WWOX: variants seen among roughly 807,000 people sequenced by gnomAD.
WWOX encodes WW domain-containing oxidoreductase.
WWOX carries 69 observed loss-of-function variants against 46.2 expected under a neutral mutation model. That is an observed-to-expected ratio of 1.49 (90% CI 1.23 to 1.82). The LOEUF is 1.82. WWOX is among the 40% of genes most tolerant of loss of function. WWOX has a pLI of 0.00. For missense variants in WWOX, 919 were observed against 542.6 expected, an observed-to-expected ratio of 1.69 and a Z score of -6.89; for synonymous variants, 359 against 202.6, an observed-to-expected ratio of 1.77 and a Z score of -6.56.
intron 8 of WWOX, chr16:79,106,548 C>G (rs1195466663): frequency 2.1e-5 from 3 of 143,536 alleles, no homozygotes; most frequent in Non-Finnish European, 4.5e-5. Context: ...TTTTCAAGAA[C>G]TTCATGACCC....
intron 8 of WWOX, among the ~76,000 whole-genome samples, chr16:79,054,718 C>T (rs1159524837): frequency 6.6e-6 from 1 of 152,032 alleles, no homozygotes; most frequent in South Asian, 2.1e-4. Flanking sequence ...CCTAGCTACT[C>T]AGGAAGGTGA....
At chr16:78,730,617 ATTT>A (rs536906826) in intron 8 of WWOX, among the ~76,000 whole-genome samples, 2,191 of 123,030 alleles carry the variant, frequency 0.018, 61 homozygotes, top group African/African-American at 0.06. Flanking sequence ...ACGCCCGGCA[ATTT>A]TTTTTTTTTT....
intron 8 of WWOX, among the ~76,000 whole-genome samples, chr16:79,068,658 A>G: frequency 6.6e-6 from 1 of 151,746 alleles, no homozygotes; most frequent in Admixed American, 6.6e-5. Flanking sequence ...AACAAAAAAA[A>G]AAATTAGCCA....
intron 8 of WWOX, among the ~76,000 whole-genome samples, chr16:78,620,935 T>C (rs1229483356): frequency 6.6e-6 from 1 of 152,218 alleles, no homozygotes; most frequent in Non-Finnish European, 1.5e-5. Flanking sequence ...ACCCAGATTG[T>C]GTTTCTGGAG....
chr16:78,100,075 C>T (rs536057078), intron 1 of WWOX, 190 bp downstream of exon 1: 2 of 1,390,300 alleles, frequency 1.4e-6, no homozygotes. Flanking sequence ...GGCCTCGGGT[C>T]CAGCGGGGGT....
intron 8 of WWOX, among the ~76,000 whole-genome samples, chr16:78,592,409 AC>A (rs1182382210): frequency 2.6e-5 from 4 of 152,202 alleles, no homozygotes; most frequent in African/African-American, 9.7e-5. Context: ...TTAAATTACA[AC>A]CATAAGAACA....
In WWOX at chr16:78,118,577, T is replaced by C. The variant is rs553846362; in HGVS notation, c.409+3423T>C. On this transcript the variant is annotated intron_variant, in intron 4 of 8. Coordinates refer to ENST00000566780, the MANE Select transcript of WWOX (RefSeq NM_016373.4). The stretch of plus-strand genomic sequence containing the variant: ...ATAATGTTGAACTACTGTTTGTGTA[T>C]ATTCAGTTATCCCAAAATAATATGG... 4.6e-4 allele frequency among the ~76,000 whole-genome samples: 70 copies of C among 152,320 alleles called. 1 individual carries two copies. Among genetic ancestry groups the C allele is most frequent in the African/African-American group, 1.6e-3 (68 of 41,568 alleles).
chr16:78,862,522 A>G (rs1167032663), intron 8 of WWOX, among the ~76,000 whole-genome samples: 1 of 152,116 alleles, frequency 6.6e-6, no homozygotes, highest in East Asian at 1.9e-4. Flanking sequence ...ATAAAGATAT[A>G]TATAAAGATT....
At chr16:79,193,601 C>T (rs909784398) in intron 8 of WWOX, among the ~76,000 whole-genome samples, 2 of 152,144 alleles carry the variant, frequency 1.3e-5, no homozygotes, top group Non-Finnish European at 2.9e-5. Flanking sequence ...ATAAAGTAAG[C>T]GTTTCATTCA....
At chr16:78,187,209 G>A (rs2035737460) in intron 5 of WWOX, among the ~76,000 whole-genome samples, 1 of 152,166 alleles carries the variant, frequency 6.6e-6, no homozygotes, top group Non-Finnish European at 1.5e-5. Flanking sequence ...TTGGTTCCTT[G>A]TCTGTCTTTT....
intron 8 of WWOX, among the ~76,000 whole-genome samples, chr16:78,733,814 C>G (rs1334635567): frequency 2.0e-5 from 3 of 152,032 alleles, no homozygotes; most frequent in Non-Finnish European, 4.4e-5. Context: ...GCCTGCCATC[C>G]CAGCACTTTG....
chr16:78,657,899 T>C (rs909559726), intron 8 of WWOX, among the ~76,000 whole-genome samples: 2 of 152,162 alleles, frequency 1.3e-5, no homozygotes, highest in African/African-American at 4.8e-5. Context: ...GTGATTGTTC[T>C]CATTAGAAAG....
chr16:78,945,484 T>G (rs923625625), intron 8 of WWOX, among the ~76,000 whole-genome samples: 4 of 152,200 alleles, frequency 2.6e-5, no homozygotes, highest in African/African-American at 9.6e-5. Context: ...TTGGGGTTTG[T>G]TTTGTTTTGA....
At chr16:79,136,086 A>G (rs1021787241) in intron 8 of WWOX, among the ~76,000 whole-genome samples, 2 of 152,234 alleles carry the variant, frequency 1.3e-5, no homozygotes, top group Non-Finnish European at 2.9e-5. Context: ...TGAATTTGGC[A>G]GAATACCATT....
At chr16:79,176,041 T>C (rs2150777422) in intron 8 of WWOX, among the ~76,000 whole-genome samples, 1 of 152,318 alleles carries the variant, frequency 6.6e-6, no homozygotes, top group Admixed American at 6.5e-5. Context: ...TTTGTCTCCA[T>C]TCCCTAAGCT....
intron 5 of WWOX, among the ~76,000 whole-genome samples, chr16:78,174,382 A>G (rs1340695709): frequency 1.3e-5 from 2 of 152,142 alleles, no homozygotes; most frequent in Non-Finnish European, 2.9e-5. Context: ...CCATGATTCA[A>G]TTACCTCCCC....
chr16:78,322,373 A>C (rs1460551012), intron 5 of WWOX, among the ~76,000 whole-genome samples: 1 of 152,168 alleles, frequency 6.6e-6, no homozygotes, highest in Non-Finnish European at 1.5e-5. Flanking sequence ...GTTTTTCTTA[A>C]GGAAATAGTA....
intron 8 of WWOX, among the ~76,000 whole-genome samples, chr16:78,688,025 T>C (rs1597446746): frequency 6.6e-6 from 1 of 152,204 alleles, no homozygotes; most frequent in East Asian, 1.9e-4. Flanking sequence ...ACAGGAGTTA[T>C]TTAAATTAGT....
chr16:79,051,450 G>A (rs565014754), intron 8 of WWOX, among the ~76,000 whole-genome samples: 3 of 152,174 alleles, frequency 2.0e-5, no homozygotes, highest in East Asian at 1.9e-4. Flanking sequence ...CTTGACCAAC[G>A]AAGACCTTTT....
Sources: allele counts gnomAD v4.1 joint callset (sites outside exome capture counted in the v4.1 genomes callset), GRCh38; gene constraint gnomAD v4.1.1; transcripts MANE v1.5; gene names NCBI Gene and HGNC (gene_info 2026-07-23, HGNC 2026-07-21).